Variants in CDKL1 observed in about 807,000 individuals in gnomAD.
CDKL1 encodes cyclin-dependent kinase-like 1.
A neutral mutation model predicts 42.0 loss-of-function variants in CDKL1; 41 were observed. The observed-to-expected ratio is 0.98, with a 90% CI of 0.76 to 1.27. CDKL1 has a LOEUF of 1.27. CDKL1 is among the 50% of genes most tolerant of loss of function. The probability of loss-of-function intolerance (pLI) is 0.00; values close to 1 mark genes in which losing one functional copy is unlikely to be tolerated. For synonymous variants in CDKL1, 153 were observed against 158.6 expected, an observed-to-expected ratio of 0.96 and a Z score of 0.26; for missense variants, 394 against 428.4, an observed-to-expected ratio of 0.92 and a Z score of 0.71.
intron 3 of CDKL1, among the ~76,000 whole-genome samples, chr14:50,348,784 C>G (rs1444199324): frequency 6.6e-6 from 1 of 151,940 alleles, no homozygotes; most frequent in African/African-American, 2.4e-5. Flanking sequence ...CCAGAACAAA[C>G]AGAAAAAAGC....
chr14:50,352,449 G>T (rs2033931137), intron 3 of CDKL1, among the ~76,000 whole-genome samples: 1 of 151,904 alleles, frequency 6.6e-6, no homozygotes, highest in South Asian at 2.1e-4. Flanking sequence ...TACAAAAGAA[G>T]AAAAATCTAT....
At chr14:50,334,471 C>A in intron 8 of CDKL1, 94 bp downstream of exon 8, 1 of 806,776 alleles carries the variant, frequency 1.2e-6, no homozygotes, top group Non-Finnish European at 2.1e-6. Flanking sequence ...AAAAGGAACA[C>A]TTTTCATTGC....
chr14:50,362,983 A>T (rs1022291716), intron 2 of CDKL1: 1 of 464,846 alleles, frequency 2.2e-6, no homozygotes, highest in Non-Finnish European at 4.5e-6. Context: ...CTGCTGTAAC[A>T]CTTATGGCAA....
rs1258869491 is a variant in CDKL1 at position 50,328,799 on chromosome 14, G to A, written c.*1275C>T. 6.6e-6 allele frequency: 1 copy of A among 151,928 alleles called. No individual in the cohort carries two copies. The highest frequency in any genetic ancestry group is 1.5e-5 in the Non-Finnish European group (1 of 67,994). 9.4% of individuals were successfully genotyped at this position (151,928 alleles called of 1,614,324 possible). ...GAGCCCAGGAGTTCAAGACCAGCCT[G>A]GGGAACATGGCAAAACCCTGCCTCT... On this transcript the variant is annotated 3_prime_UTR_variant, in exon 10 of 10. Transcript: ENST00000395834.
chr14:50,336,092 T>C, intron 7 of CDKL1: 1 of 1,366,372 alleles, frequency 7.3e-7, no homozygotes. Flanking sequence ...CGAGCTCTGC[T>C]GTCTCAGCAA....
At chr14:50,342,923 T>A (rs1308915241) in intron 4 of CDKL1, 1 of 1,346,706 alleles carries the variant, frequency 7.4e-7, no homozygotes, top group African/African-American at 1.5e-5. Flanking sequence ...GGAGAGTCGC[T>A]AGATGTCAGC....
At chr14:50,343,155 C>CTTTTTTTTT (rs3049935) in intron 4 of CDKL1, 68 of 293,894 alleles carry the variant, frequency 2.3e-4, no homozygotes, top group East Asian at 5.3e-4. Context: ...TTAAGAGTTA[C>CTTTTTTTTT]TTTTTTTTTT....
intron 7 of CDKL1, chr14:50,335,027 C>T (rs1402920509): frequency 3.1e-5 from 6 of 195,132 alleles, no homozygotes; most frequent in South Asian, 1.1e-4. Context: ...TGGCTGGGTG[C>T]GGTGGCTCAT....
In CDKL1 at chr14:50,335,454, C is replaced by T. The variant is rs1278113470; in HGVS notation, c.739-833G>A. On this transcript the variant is annotated intron_variant, in intron 7 of 9. Transcript: ENST00000395834. ...CCCACTAGGGCCTGCTGCTTCCCTT[C>T]TCAGCCTGCTGTTTAAACAGTCTCC... 11 of 1,535,314 alleles carry T rather than the reference C, an allele frequency of 7.2e-6. No individual in the cohort carries two copies. The East Asian group carries it at 2.7e-4, about 38-fold the overall frequency.
chr14:50,355,410 G>T (rs1221342060), intron 3 of CDKL1, among the ~76,000 whole-genome samples: 1 of 152,172 alleles, frequency 6.6e-6, no homozygotes, highest in Non-Finnish European at 1.5e-5. Flanking sequence ...TTCTGGACAG[G>T]TTGCTCCAGC....
chr14:50,380,761 G>T (rs2034880256), intron 2 of CDKL1, among the ~76,000 whole-genome samples: 1 of 150,442 alleles, frequency 6.6e-6, no homozygotes, highest in South Asian at 2.1e-4. Context: ...CATATAAGTG[G>T]TATTCTAGGA....
Position 50,336,075 on chromosome 14 carries a change from A to G in CDKL1, c.739-1454T>C, listed in dbSNP as rs76907572. ...CACTGGGGTTTGACGTGCCATTGCT[A>G]TATCATCGAGCTCTGCTGTCTCAGC... is the stretch of plus-strand genomic sequence containing the variant. On this transcript the variant is annotated intron_variant, in intron 7 of 9. Transcript: ENST00000395834. 27 of 1,366,150 alleles carry G rather than the reference A, an allele frequency of 2.0e-5. No individual in the cohort carries two copies. In the East Asian group the frequency reaches 2.3e-4, roughly 12 times the overall value. 84.6% of individuals were successfully genotyped at this position (1,366,150 alleles called of 1,614,324 possible). A position where few individuals can be genotyped will look rare whatever the true frequency, so the allele number is the denominator to read the frequency against.
At chr14:50,364,627 AC>A (rs1308453201) in intron 2 of CDKL1, among the ~76,000 whole-genome samples, 1 of 152,082 alleles carries the variant, frequency 6.6e-6, no homozygotes, top group Middle Eastern at 3.2e-3. Flanking sequence ...CCTCACTTGG[AC>A]CAAATTAGGT....
upstream of CDKL1, chr14:50,397,107 C>T: frequency 7.3e-7 from 1 of 1,361,652 alleles, no homozygotes; most frequent in Non-Finnish European, 9.8e-7. Flanking sequence ...GATTTGCAAA[C>T]TTCCGCAGGC....
chr14:50,334,881 A>G (rs2033168025), intron 7 of CDKL1: 1 of 309,844 alleles, frequency 3.2e-6, no homozygotes, highest in African/African-American at 2.2e-5. Context: ...ATAGCAAATT[A>G]TAAATAAAAA....
intron 3 of CDKL1, among the ~76,000 whole-genome samples, chr14:50,351,996 A>G (rs2033918587): frequency 6.6e-6 from 1 of 152,326 alleles, no homozygotes; most frequent in Admixed American, 6.5e-5. Context: ...CTCTCACAAT[A>G]GAAAGGCTTT....
Position 50,332,569 on chromosome 14 carries a change from G to C in CDKL1, c.796-137C>G, listed in dbSNP as rs143423012. 282 of 1,482,168 alleles carry C rather than the reference G, an allele frequency of 1.9e-4. No homozygotes were observed. In the East Asian group the frequency reaches 5.8e-3, roughly 30 times the overall value. 91.8% of individuals were successfully genotyped at this position (1,482,168 alleles called of 1,614,324 possible). On this transcript the variant is annotated intron_variant, in intron 8 of 9. Coordinates refer to ENST00000395834, the MANE Select transcript of CDKL1 (RefSeq NM_004196.7). Reference sequence around the variant, plus strand: ...AAAGGCAGGAAAACACACCAGTCATGATTTTAGTTCCTTCCAGTCATTCCT... The same window carrying C: ...AAAGGCAGGAAAACACACCAGTCATCATTTTAGTTCCTTCCAGTCATTCCT...
chr14:50,384,896 T>C (rs1367800410), intron 2 of CDKL1, among the ~76,000 whole-genome samples: 3 of 151,050 alleles, frequency 2.0e-5, no homozygotes, highest in Admixed American at 1.3e-4. Context: ...CATGATGAAA[T>C]CCCGTCTCTA....
At chr14:50,387,148 G>A (rs1261542397) in intron 2 of CDKL1, among the ~76,000 whole-genome samples, 12 of 148,496 alleles carry the variant, frequency 8.1e-5, no homozygotes, top group East Asian at 6.1e-4. Flanking sequence ...TTGAGGCTGC[G>A]GTGAGCCATC....
Sources: gnomAD v4.1 joint callset for allele counts (sites outside exome capture counted in the v4.1 genomes callset) on GRCh38, gnomAD v4.1.1 for gene constraint, MANE v1.5 for transcripts, NCBI Gene and HGNC (gene_info 2026-07-23, HGNC 2026-07-21) for gene names.